The following IFT57 variants were observed in gnomAD, a reference collection of about 807,000 sequenced individuals.
IFT57 encodes intraflagellar transport protein 57 homolog.
In IFT57, 59 loss-of-function variants were observed where a neutral mutation model predicts 56.8. The observed-to-expected ratio is 1.04, with a 90% CI of 0.84 to 1.29. The LOEUF is 1.29. Among genes scored for constraint, IFT57 ranks in the 50% most tolerant of loss-of-function variants. IFT57 has a pLI of 0.00. For synonymous variants in IFT57, 209 were observed against 186.1 expected (o/e 1.12, Z -1.00); for missense variants, 470 against 522.1 (o/e 0.90, Z 0.97).
chr3:108,202,445 A>G (rs1030334909), intron 5 of IFT57, among the ~76,000 whole-genome samples: 2 of 152,182 alleles, frequency 1.3e-5, no homozygotes, highest in African/African-American at 4.8e-5. Flanking sequence ...ACTTCTAAAC[A>G]TCACAGTCCC....
chr3:108,178,723 A>C (rs925878042), intron 6 of IFT57, among the ~76,000 whole-genome samples: 19 of 151,926 alleles, frequency 1.3e-4, no homozygotes, highest in Admixed American at 9.9e-4. Context: ...GATTAAAATA[A>C]AAAAGATTAA....
At chr3:108,214,112 G>T in intron 3 of IFT57, 91 bp from the exon 4 acceptor site, 1 of 672,724 alleles carries the variant, frequency 1.5e-6, no homozygotes, top group East Asian at 2.9e-5. Context: ...TCTATGCCAG[G>T]TTTTGTCCTT....
chr3:108,191,255 A>T (rs2080213575), intron 6 of IFT57, among the ~76,000 whole-genome samples: 1 of 152,132 alleles, frequency 6.6e-6, no homozygotes, highest in Admixed American at 6.5e-5. Flanking sequence ...TTTCCCAGAA[A>T]ATCTTCTGAG....
intron 6 of IFT57, among the ~76,000 whole-genome samples, chr3:108,181,285 C>T (rs1198049676): frequency 6.6e-6 from 1 of 152,002 alleles, no homozygotes; most frequent in Non-Finnish European, 1.5e-5. Context: ...TTTTTCTCCA[C>T]CCCTTTACTG....
At chr3:108,213,880 G>A in intron 4 of IFT57, 51 bp downstream of exon 4, 1 of 1,019,554 alleles carries the variant, frequency 9.8e-7, no homozygotes, top group Non-Finnish European at 1.5e-6. Context: ...TTAAGAGAAT[G>A]GGAAGTGGCC....
At chr3:108,177,351 CTTG>C (rs2080129771) in intron 6 of IFT57, among the ~76,000 whole-genome samples, 2 of 151,722 alleles carry the variant, frequency 1.3e-5, no homozygotes, top group Admixed American at 1.3e-4. Context: ...CAACTGCCAA[CTTG>C]TTTTATGAGA....
At chr3:108,192,255 TA>T (rs981612814) in intron 5 of IFT57, among the ~76,000 whole-genome samples, 109 of 145,302 alleles carry the variant, frequency 7.5e-4, no homozygotes, top group Non-Finnish European at 8.8e-4. Flanking sequence ...AGACAAAATA[TA>T]AAAAAATTCC....
chr3:108,164,512 T>C (rs1357353396), intron 9 of IFT57, among the ~76,000 whole-genome samples: 2 of 152,058 alleles, frequency 1.3e-5, no homozygotes, highest in African/African-American at 4.8e-5. Flanking sequence ...CTCATCCAAG[T>C]AAAGCAAATT....
intron 5 of IFT57, among the ~76,000 whole-genome samples, chr3:108,194,380 G>C (rs952872205): frequency 1.3e-5 from 2 of 151,840 alleles, no homozygotes; most frequent in Non-Finnish European, 2.9e-5. Flanking sequence ...CCAAGTTCAT[G>C]GTCTGGAAAA....
intron 5 of IFT57, among the ~76,000 whole-genome samples, chr3:108,205,940 AT>A (rs2080308327): frequency 9.6e-6 from 1 of 104,262 alleles, no homozygotes; most frequent in South Asian, 3.3e-4. Context: ...ATATAAATAT[AT>A]TAGTTTATAA....
chr3:108,214,169 C>A, intron 3 of IFT57, 148 bp from the exon 4 acceptor site: 1 of 526,676 alleles, frequency 1.9e-6, no homozygotes, highest in Non-Finnish European at 3.3e-6. Flanking sequence ...ATGTATTTTT[C>A]CTAAAACTTT....
At chr3:108,178,079 T>C (rs1288982376) in intron 6 of IFT57, among the ~76,000 whole-genome samples, 1 of 151,832 alleles carries the variant, frequency 6.6e-6, no homozygotes, top group African/African-American at 2.4e-5. Context: ...CCATTTTCAA[T>C]AGTATCAAAT....
At chr3:108,164,069 G>A (rs768350521) in intron 9 of IFT57, among the ~76,000 whole-genome samples, 1 of 151,932 alleles carries the variant, frequency 6.6e-6, no homozygotes, top group Non-Finnish European at 1.5e-5. Context: ...CTAATAACTG[G>A]TTATTAATTA....
At chr3:108,212,828 A>G (rs2080350202) in intron 4 of IFT57, among the ~76,000 whole-genome samples, 1 of 152,192 alleles carries the variant, frequency 6.6e-6, no homozygotes, top group Admixed American at 6.5e-5. Flanking sequence ...AAAATCACCT[A>G]AAAATTTTAA....
intron 6 of IFT57, among the ~76,000 whole-genome samples, chr3:108,182,681 G>T (rs1441615550): frequency 6.6e-6 from 1 of 151,904 alleles, no homozygotes; most frequent in Non-Finnish European, 1.5e-5. Flanking sequence ...TAAATGAATA[G>T]GTAAGTATTA....
chr3:108,206,103 TAATA>T (rs1169182016), intron 5 of IFT57, among the ~76,000 whole-genome samples: 3 of 135,436 alleles, frequency 2.2e-5, no homozygotes, highest in African/African-American at 5.5e-5. Flanking sequence ...TATTGATATA[TAATA>T]TATATGGTGA....
intron 4 of IFT57, among the ~76,000 whole-genome samples, chr3:108,208,357 C>T (rs555434357): frequency 6.6e-6 from 1 of 152,286 alleles, no homozygotes; most frequent in South Asian, 2.1e-4. Flanking sequence ...ATGTCAATGA[C>T]TCAATGCTCA....
intron 3 of IFT57, among the ~76,000 whole-genome samples, chr3:108,214,612 A>G (rs1016435816): frequency 6.6e-6 from 1 of 152,316 alleles, no homozygotes; most frequent in Non-Finnish European, 1.5e-5. Flanking sequence ...ATTCACCAAT[A>G]TGATATATAA....
chr3:108,170,217 T>C (rs541039350), intron 6 of IFT57, among the ~76,000 whole-genome samples: 1 of 152,170 alleles, frequency 6.6e-6, no homozygotes, highest in South Asian at 2.1e-4. Flanking sequence ...TTGTCTCTGT[T>C]TGCAGATAAC....
Sources: allele counts gnomAD v4.1 joint callset (sites outside exome capture counted in the v4.1 genomes callset), GRCh38; gene constraint gnomAD v4.1.1; transcripts MANE v1.5; gene names NCBI Gene and HGNC (gene_info 2026-07-23, HGNC 2026-07-21).